Variants in COL4A2 observed in about 807,000 individuals in gnomAD.
The protein encoded by COL4A2 is collagen alpha-2(IV) chain.
A neutral mutation model predicts 200.2 loss-of-function variants in COL4A2; 99 were observed. That is an observed-to-expected ratio of 0.49 (90% CI 0.42 to 0.58). COL4A2 has a LOEUF of 0.58. COL4A2 is among the 20% of genes least tolerant of loss of function. COL4A2 has a pLI of 0.00. For synonymous variants in COL4A2, 897 were observed against 900.6 expected, an observed-to-expected ratio of 1.00 and a Z score of 0.07; for missense variants, 1,950 against 2,314.1, an observed-to-expected ratio of 0.84 and a Z score of 3.23.
chr13:110,371,768 G>C (rs1878020816), intron 4 of COL4A2, among the ~76,000 whole-genome samples: 1 of 151,906 alleles, frequency 6.6e-6, no homozygotes, highest in Non-Finnish European at 1.5e-5. Context: ...TCTGGGATAT[G>C]GGAAAGCCTG....
At chr13:110,451,292 A>T (rs1215694263) in intron 20 of COL4A2, among the ~76,000 whole-genome samples, 1 of 152,238 alleles carries the variant, frequency 6.6e-6, no homozygotes, top group African/African-American at 2.4e-5. Context: ...CACGGGCCAC[A>T]TGCGGCCCAG....
intron 3 of COL4A2, among the ~76,000 whole-genome samples, chr13:110,333,989 C>T (rs571776930): frequency 2.6e-5 from 4 of 152,300 alleles, no homozygotes; most frequent in East Asian, 3.9e-4. Flanking sequence ...GGGCCGGCAC[C>T]GCCCATGGAG....
intron 4 of COL4A2, 43 bp from the exon 5 acceptor site, chr13:110,424,691 A>G: frequency 7.1e-7 from 1 of 1,412,898 alleles, no homozygotes. Context: ...ATGAGTATGT[A>G]TTGTGATTAA....
At chr13:110,437,748 G>A (rs551380370) in intron 13 of COL4A2, among the ~76,000 whole-genome samples, 1 of 152,312 alleles carries the variant, frequency 6.6e-6, no homozygotes, top group Admixed American at 6.5e-5. Flanking sequence ...CAGAGAGAAG[G>A]AAAGACAGAC....
At chr13:110,507,862 G>A in intron 46 of COL4A2, 73 bp from the exon 47 acceptor site, 1 of 1,507,892 alleles carries the variant, frequency 6.6e-7, no homozygotes, top group Admixed American at 1.7e-5. Context: ...ACAGCCTCCT[G>A]GGCCTGGCTG....
At chr13:110,493,952 C>T (rs994516548) in intron 39 of COL4A2, among the ~76,000 whole-genome samples, 1 of 152,202 alleles carries the variant, frequency 6.6e-6, no homozygotes, top group Non-Finnish European at 1.5e-5. Context: ...CCCTAATCAC[C>T]TCCCAAAGGC....
rs1884950749 is a variant in COL4A2 at position 110,310,633 on chromosome 13, C to T, written c.99+2510C>T. On this transcript the variant is annotated intron_variant, in intron 3 of 47. Transcript: ENST00000360467. ...CCTTGTGAAATAATGTTTCAATTTT[C>T]AACTGTATTGATTAAAGATTTTTCT... 1.3e-5 allele frequency among the ~76,000 whole-genome samples: 2 copies of T among 151,960 alleles called. 1 individual carries two copies. The highest frequency in any genetic ancestry group is 2.9e-5 in the Non-Finnish European group (2 of 68,004).
intron 3 of COL4A2, among the ~76,000 whole-genome samples, chr13:110,318,965 T>C (rs1360893582): frequency 3.3e-5 from 5 of 152,100 alleles, no homozygotes; most frequent in Non-Finnish European, 7.4e-5. Context: ...GATTCTCGGT[T>C]CTGCAGGTGA....
chr13:110,485,934 G>T, intron 34 of COL4A2, 98 bp downstream of exon 34: 1 of 1,533,952 alleles, frequency 6.5e-7, no homozygotes. Context: ...GGGTGAGAGT[G>T]TCAGTGGCAG....
At chr13:110,311,771 G>C (rs1440770157) in intron 3 of COL4A2, among the ~76,000 whole-genome samples, 1 of 152,208 alleles carries the variant, frequency 6.6e-6, no homozygotes, top group Non-Finnish European at 1.5e-5. Flanking sequence ...TATGCAGCCG[G>C]CTGGGTGGTC....
chr13:110,437,898 G>C, intron 13 of COL4A2, 104 bp from the exon 14 acceptor site: 1 of 918,810 alleles, frequency 1.1e-6, no homozygotes. Context: ...GATTGTGTGA[G>C]GATTGATTCA....
intron 4 of COL4A2, among the ~76,000 whole-genome samples, chr13:110,394,739 T>C (rs908211598): frequency 3.9e-5 from 6 of 152,208 alleles, no homozygotes; most frequent in Non-Finnish European, 8.8e-5. Flanking sequence ...GATGAATTAC[T>C]TGCCTTTGCC....
chr13:110,438,828 G>GC lies in COL4A2; in HGVS notation c.912+166dup, dbSNP rs201724155. Among the ~76,000 whole-genome samples the GC allele has an allele frequency of 9.3e-3, 996 of 106,890 alleles. 18 individuals are homozygous for GC. Among genetic ancestry groups the GC allele is most frequent in the African/African-American group, 0.033 (844 of 25,628 alleles). 70.1% of individuals were successfully genotyped at this position (106,890 alleles called of 152,430 possible). ...CCCCCCCCCACACACACACACAGCA[G>GC]CCCCCCAGCACGAACATCTAGCACT... On this transcript the variant is annotated intron_variant, in intron 15 of 47. Transcript: ENST00000360467.
intron 4 of COL4A2, among the ~76,000 whole-genome samples, chr13:110,391,611 G>T (rs551489187): frequency 6.6e-6 from 1 of 152,336 alleles, no homozygotes; most frequent in African/African-American, 2.4e-5. Flanking sequence ...TGGCTCTACC[G>T]CTTACTAGCG....
chr13:110,448,469 T>G (rs1393256096), intron 18 of COL4A2, among the ~76,000 whole-genome samples: 1 of 152,202 alleles, frequency 6.6e-6, no homozygotes, highest in Admixed American at 6.5e-5. Context: ...AGCTGGAATG[T>G]GACTGACTTG....
At chr13:110,503,069 G>A in intron 41 of COL4A2, 52 bp from the exon 42 acceptor site, 1 of 1,569,546 alleles carries the variant, frequency 6.4e-7, no homozygotes, top group Non-Finnish European at 8.6e-7. Context: ...ACTGCCCCCA[G>A]GGGCCTTGGG....
chr13:110,455,239 G>A (rs374627563), intron 20 of COL4A2, among the ~76,000 whole-genome samples: 10 of 152,198 alleles, frequency 6.6e-5, no homozygotes, highest in East Asian at 1.9e-4. Context: ...AGCCAAGTCC[G>A]GTTTCTTCCC....
intron 4 of COL4A2, among the ~76,000 whole-genome samples, chr13:110,392,724 T>C (rs756166512): frequency 6.6e-6 from 1 of 152,210 alleles, no homozygotes. Context: ...TGGTCAAGAA[T>C]AATTGTTGGC....
chr13:110,456,092 C>T (rs1881722887), intron 20 of COL4A2, among the ~76,000 whole-genome samples: 1 of 152,200 alleles, frequency 6.6e-6, no homozygotes, highest in African/African-American at 2.4e-5. Context: ...AGTGCGATGG[C>T]GCGCTCTTTG....
Sources: gnomAD v4.1 joint callset for allele counts (sites outside exome capture counted in the v4.1 genomes callset) on GRCh38, gnomAD v4.1.1 for gene constraint, MANE v1.5 for transcripts, NCBI Gene and HGNC (gene_info 2026-07-23, HGNC 2026-07-21) for gene names.